Variants in COL14A1 observed in about 807,000 individuals in gnomAD.
The protein encoded by COL14A1 is collagen alpha-1(XIV) chain.
COL14A1 carries 136 observed loss-of-function variants against 230.3 expected under a neutral mutation model. The ratio of observed to expected loss-of-function variants is 0.59; its 90% confidence interval spans 0.51 to 0.68. COL14A1 has a LOEUF of 0.68. COL14A1 is among the 30% of genes least tolerant of loss of function. COL14A1 has a pLI of 0.00. For missense variants in COL14A1, 1,976 were observed against 2,215.8 expected, an observed-to-expected ratio of 0.89 and a Z score of 2.17; for synonymous variants, 792 against 784.1, an observed-to-expected ratio of 1.01 and a Z score of -0.17.
chr8:120,254,876 C>T (rs1333327414), intron 22 of COL14A1, among the ~76,000 whole-genome samples: 1 of 151,228 alleles, frequency 6.6e-6, no homozygotes, highest in Non-Finnish European at 1.5e-5. Flanking sequence ...CCTGTGATCC[C>T]AACTACTTGG....
chr8:120,147,819 C>T lies in COL14A1; in HGVS notation c.-24C>T, dbSNP rs758459668. 1.3e-6 allele frequency: 2 copies of T among 1,590,584 alleles called. No individual in the cohort carries two copies. The highest frequency in any genetic ancestry group is 1.7e-6 in the Non-Finnish European group (2 of 1,161,330). On this transcript the variant is annotated 5_prime_UTR_variant, in exon 2 of 48. Transcript: ENST00000297848. Reference sequence around the variant, plus strand: ...CTCTGTTTCTAGGTGGCTGCTACACCCCATGTAAAAAGCGGAAAATAAAAT... The same window carrying T: ...CTCTGTTTCTAGGTGGCTGCTACACTCCATGTAAAAAGCGGAAAATAAAAT...
Position 120,147,868 on chromosome 8 carries a change from G to C in COL14A1, c.26G>C (p.Arg9Pro). The change falls in exon 2 of 48, where the codon CGG becomes CCG. Residue 9 changes from arginine to proline, a missense_variant. By Grantham distance (103) the Arg-to-Pro change is moderately radical. This residue lies in a region of COL14A1 where 181 missense variants were observed against 178.6 expected (regional missense o/e 1.01). Transcript: ENST00000297848. ...ATGAAGATTTTCCAGCGCAAGATGCGGTACTGGTTGCTTCCACCTTTTTTG... is the reference window on the plus strand; with the variant it reads ...ATGAAGATTTTCCAGCGCAAGATGCCGTACTGGTTGCTTCCACCTTTTTTG... MKIFQRKMRYWLLPPFLAI... is the reference protein window; with the variant it reads MKIFQRKMPYWLLPPFLAI... 1 of 1,613,674 alleles carries C rather than the reference G, an allele frequency of 6.2e-7. No homozygotes were observed. Among genetic ancestry groups the C allele is most frequent in the Non-Finnish European group, 8.5e-7 (1 of 1,179,808 alleles).
chr8:120,340,036 T>G lies in COL14A1; in HGVS notation c.4786-1289T>G, dbSNP rs1586879429. ...CTGGGAGATAGAGGGAGACTGCGTC[T>G]CAAAAAAAAAAAAAAAAAAAAAGTG... On this transcript the variant is annotated intron_variant, in intron 42 of 47. Coordinates refer to ENST00000297848, the MANE Select transcript of COL14A1 (RefSeq NM_021110.4). Among the ~76,000 whole-genome samples, 3 of 71,410 alleles carry G rather than the reference T, an allele frequency of 4.2e-5. No homozygotes were observed. The South Asian group carries it at 1.3e-3, about 32-fold the overall frequency. The allele number at this position is 71,410 out of a possible 152,430, so 46.8% of individuals were successfully genotyped here.
chr8:120,274,637 A>G (rs1482983558), intron 26 of COL14A1, among the ~76,000 whole-genome samples: 1 of 151,936 alleles, frequency 6.6e-6, no homozygotes, highest in Non-Finnish European at 1.5e-5. Context: ...CTCTTAGGTT[A>G]CAAATCAATG....
intron 14 of COL14A1, among the ~76,000 whole-genome samples, chr8:120,220,317 A>G (rs1160876084): frequency 7.1e-6 from 1 of 140,354 alleles, no homozygotes; most frequent in Non-Finnish European, 1.5e-5. Flanking sequence ...TTTTGTCTCC[A>G]GGCTGGAGTG....
chr8:120,281,137 A>G lies in COL14A1; in HGVS notation c.3824+78A>G, dbSNP rs10107534. Reference sequence around the variant, plus strand: ...TGTGAAAATGATGTCAACTTGAAATATGGTGTAATAGTCCCAGGTAGGATT... The same window carrying G: ...TGTGAAAATGATGTCAACTTGAAATGTGGTGTAATAGTCCCAGGTAGGATT... On this transcript the variant is annotated intron_variant, in intron 31 of 47. Transcript: ENST00000297848. 0.14 allele frequency: 193,529 copies of G among 1,360,600 alleles called. 14,601 individuals are homozygous for G. The highest frequency in any genetic ancestry group is 0.16 in the Non-Finnish European group (154,080 of 990,284). The allele number at this position is 1,360,600 out of a possible 1,614,324, so 84.3% of individuals were successfully genotyped here. A position where few individuals can be genotyped will look rare whatever the true frequency, so the allele number is the denominator to read the frequency against.
At chr8:120,271,831 G>T (rs1251249227) in intron 26 of COL14A1, among the ~76,000 whole-genome samples, 1 of 151,410 alleles carries the variant, frequency 6.6e-6, no homozygotes, top group Non-Finnish European at 1.5e-5. Context: ...TCACTGGAAG[G>T]TTTTAAGGAG....
intron 5 of COL14A1, among the ~76,000 whole-genome samples, chr8:120,185,484 A>C (rs1283179806): frequency 6.6e-6 from 1 of 152,044 alleles, no homozygotes; most frequent in African/African-American, 2.4e-5. Context: ...GTGAGACCCC[A>C]TCTCTACAAA....
intron 5 of COL14A1, among the ~76,000 whole-genome samples, chr8:120,183,176 G>A (rs568530852): frequency 1.2e-4 from 19 of 152,280 alleles, no homozygotes; most frequent in Admixed American, 3.3e-4. Context: ...TGAGTCAAAA[G>A]TTTCTGAGAT....
rs1818802911 is a variant in COL14A1 at position 120,247,553 on chromosome 8, G to A, written c.2480-60G>A. 2.6e-6 allele frequency: 4 copies of A among 1,536,782 alleles called. No individual in the cohort carries two copies. In the South Asian group the frequency reaches 4.8e-5, roughly 18 times the overall value. On this transcript the variant is annotated intron_variant, in intron 20 of 47. Transcript: ENST00000297848. The stretch of plus-strand genomic sequence containing the variant: ...TGTCTTATATTTTGATGGCATCAGT[G>A]TAGGACATAAAGAAGGAAATTACAC...
intron 39 of COL14A1, 138 bp downstream of exon 39, chr8:120,315,724 C>T: frequency 1.2e-6 from 1 of 808,662 alleles, no homozygotes; most frequent in South Asian, 1.7e-5. Flanking sequence ...TTCACTTACC[C>T]TAAGCCCCTT....
At chr8:120,325,620 G>C (rs2130174965) in intron 40 of COL14A1, among the ~76,000 whole-genome samples, 1 of 152,282 alleles carries the variant, frequency 6.6e-6, no homozygotes, top group Non-Finnish European at 1.5e-5. Context: ...AGCCACTTGA[G>C]TATCTGGGCT....
chr8:120,349,837 C>A (rs1333362897), intron 45 of COL14A1, among the ~76,000 whole-genome samples: 2 of 144,488 alleles, frequency 1.4e-5, no homozygotes, highest in African/African-American at 2.7e-5. Context: ...GGAGAACTTC[C>A]CCAATCTAGC....
chr8:120,235,757 G>C (rs1818424434), intron 19 of COL14A1, among the ~76,000 whole-genome samples: 1 of 152,164 alleles, frequency 6.6e-6, no homozygotes, highest in Admixed American at 6.5e-5. Flanking sequence ...GGCATTTAGT[G>C]CTGTAAGTTT....
intron 40 of COL14A1, among the ~76,000 whole-genome samples, chr8:120,320,064 C>T (rs1821385368): frequency 1.3e-5 from 2 of 152,144 alleles, no homozygotes; most frequent in African/African-American, 2.4e-5. Context: ...TCAGTCCCCA[C>T]CCTAGACATC....
chr8:120,300,710 T>C, intron 35 of COL14A1, 22 bp from the exon 36 acceptor site: 1 of 1,592,866 alleles, frequency 6.3e-7, no homozygotes, highest in African/African-American at 1.3e-5. Context: ...CTAATGGTTG[T>C]GCTTTTTTTG....
At chr8:120,194,131 G>T (rs1174287701) in intron 5 of COL14A1, among the ~76,000 whole-genome samples, 1 of 152,180 alleles carries the variant, frequency 6.6e-6, no homozygotes, top group Non-Finnish European at 1.5e-5. Context: ...GAAATCACCT[G>T]TCTTCTGCGT....
chr8:120,344,423 G>A (rs1822422658), intron 44 of COL14A1, among the ~76,000 whole-genome samples: 1 of 152,190 alleles, frequency 6.6e-6, no homozygotes, highest in Admixed American at 6.5e-5. Context: ...AGGCCAAAGT[G>A]ATGACAGCTG....
intron 38 of COL14A1, among the ~76,000 whole-genome samples, 169 bp from the exon 39 acceptor site, chr8:120,315,364 C>A (rs62529261): frequency 1.9e-5 from 2 of 105,880 alleles, no homozygotes; most frequent in Non-Finnish European, 3.5e-5. Flanking sequence ...GAGCAAGACT[C>A]CATTTAAAAA....
Sources: allele counts gnomAD v4.1 joint callset (sites outside exome capture counted in the v4.1 genomes callset), GRCh38; gene constraint gnomAD v4.1.1; regional missense constraint gnomAD v4.1.1; transcripts MANE v1.5; gene names NCBI Gene and HGNC (gene_info 2026-07-23, HGNC 2026-07-21).